The following KLHL29 variants were observed in gnomAD, a reference collection of about 807,000 sequenced individuals.
KLHL29 encodes the protein kelch-like protein 29.
KLHL29 carries 21 observed loss-of-function variants against 80.4 expected under a neutral mutation model. That is an observed-to-expected ratio of 0.26 (90% CI 0.19 to 0.38). The LOEUF is 0.38. Among genes scored for constraint, KLHL29 ranks in the 10% least tolerant of loss-of-function variants. KLHL29 has a pLI of 1.00. For synonymous variants in KLHL29, 511 were observed against 526.8 expected (o/e 0.97, Z 0.41); for missense variants, 867 against 1,223.9 (o/e 0.71, Z 4.35).
In KLHL29 at chr2:23,642,561, G is replaced by A; in HGVS notation, c.651G>A (p.Val217=). 6.5e-7 allele frequency: 1 copy of A among 1,548,828 alleles called. No homozygotes were observed. Among genetic ancestry groups the A allele is most frequent in the Non-Finnish European group, 8.7e-7 (1 of 1,145,558 alleles). The change falls in exon 5 of 14, where the codon GTG becomes GTA. Residue 217 remains valine, a synonymous_variant. Coordinates refer to ENST00000486442, the MANE Select transcript of KLHL29 (RefSeq NM_052920.2). ...CGCCCTCTCAGCCACTGAGCAGCGT[G>A]GTGGTCAACATGCCTGCCCAGGCCC... is the stretch of plus-strand genomic sequence containing the variant. ...PQPPSQPLSS[V]VVNMPAQALY...
At chr2:23,589,017 C>G (rs1314887735) in intron 3 of KLHL29, among the ~76,000 whole-genome samples, 1 of 152,270 alleles carries the variant, frequency 6.6e-6, no homozygotes, top group South Asian at 2.1e-4. Context: ...ATGTGTTTGT[C>G]TCCTGGTTAC....
intron 2 of KLHL29, among the ~76,000 whole-genome samples, chr2:23,548,537 A>G (rs956815836): frequency 5.9e-5 from 9 of 152,236 alleles, no homozygotes; most frequent in African/African-American, 2.2e-4. Flanking sequence ...CAGAAAGGAC[A>G]CATGCTTTCC....
intron 3 of KLHL29, among the ~76,000 whole-genome samples, chr2:23,587,775 C>T (rs1432656135): frequency 1.3e-5 from 2 of 152,230 alleles, no homozygotes; most frequent in Admixed American, 6.5e-5. Context: ...TATCCTAAAA[C>T]ATGCCTGCTA....
intron 2 of KLHL29, among the ~76,000 whole-genome samples, chr2:23,550,275 G>C (rs55986578): frequency 0.025 from 3,873 of 152,142 alleles, 176 homozygotes; most frequent in African/African-American, 0.088. Flanking sequence ...AGAGGGAAAG[G>C]GGGGCACGAA....
rs1669967214 is a variant in KLHL29 at position 23,647,370 on chromosome 2, TCTTCCCACAGA to T, written c.940+4522_940+4532del. ...CAGAATTTTATCCAGACTGAAACTG[TCTTCCCACAGA>T]CCTATTCTTCCTGTGTCTGTGCCTC... is the stretch of plus-strand genomic sequence containing the variant. On this transcript the variant is annotated intron_variant, in intron 5 of 13. Coordinates refer to ENST00000486442, the MANE Select transcript of KLHL29 (RefSeq NM_052920.2). This position sits in a 1 kb window ranked among gnomAD's most constrained non-coding sequence, Gnocchi z 4.9. Among the ~76,000 whole-genome samples the T allele has an allele frequency of 6.6e-6, 1 of 152,200 alleles. No homozygotes were observed. The highest frequency in any genetic ancestry group is 1.5e-5 in the Non-Finnish European group (1 of 68,034).
At chr2:23,404,809 C>T (rs1180868182) in intron 1 of KLHL29, among the ~76,000 whole-genome samples, 1 of 152,208 alleles carries the variant, frequency 6.6e-6, no homozygotes, top group African/African-American at 2.4e-5. Flanking sequence ...GACTGGGGAC[C>T]AAAGGAATCC....
At chr2:23,569,831 A>G (rs55793558) in intron 3 of KLHL29, among the ~76,000 whole-genome samples, 2,499 of 152,342 alleles carry the variant, frequency 0.016, 81 homozygotes, top group African/African-American at 0.058. Context: ...AATGTCCTCA[A>G]TGAAACCAGA....
intron 2 of KLHL29, among the ~76,000 whole-genome samples, chr2:23,512,909 G>T (rs768844279): frequency 5.3e-5 from 8 of 152,272 alleles, no homozygotes; most frequent in Admixed American, 2.0e-4. Flanking sequence ...TGTGCATGCT[G>T]TGGGGACTCA....
intron 2 of KLHL29, among the ~76,000 whole-genome samples, chr2:23,476,464 T>TA (rs1263052117): frequency 1.3e-5 from 2 of 152,138 alleles, no homozygotes; most frequent in Non-Finnish European, 2.9e-5. Flanking sequence ...CTTATGCACA[T>TA]ACGTAAACAG....
At chr2:23,444,690 C>A (rs1306629639) in intron 1 of KLHL29, among the ~76,000 whole-genome samples, 1 of 152,142 alleles carries the variant, frequency 6.6e-6, no homozygotes, top group African/African-American at 2.4e-5. Flanking sequence ...TACATATATT[C>A]ACATAAAATA....
At chr2:23,593,888 C>G (rs1034219102) in intron 3 of KLHL29, among the ~76,000 whole-genome samples, 1 of 152,184 alleles carries the variant, frequency 6.6e-6, no homozygotes, top group South Asian at 2.1e-4. Context: ...GCTTGTTGTC[C>G]ACAAGCTTTT....
chr2:23,605,528 C>T (rs543741583), intron 3 of KLHL29, among the ~76,000 whole-genome samples: 178 of 152,260 alleles, frequency 1.2e-3, no homozygotes, highest in Admixed American at 2.4e-3. Flanking sequence ...GGTGAGGGAC[C>T]GTAAGAAGCC....
chr2:23,642,538 C>T lies in KLHL29; in HGVS notation c.628C>T (p.Pro210Ser). 6.5e-7 allele frequency: 1 copy of T among 1,540,224 alleles called. No homozygotes were observed. The highest frequency in any genetic ancestry group is 8.8e-7 in the Non-Finnish European group (1 of 1,139,000). Reference sequence around the variant, plus strand: ...AGGCCACTACTCGCTCCCTCAGCCGCCCTCTCAGCCACTGAGCAGCGTGGT... The same window carrying T: ...AGGCCACTACTCGCTCCCTCAGCCGTCCTCTCAGCCACTGAGCAGCGTGGT... ...MPGHYSLPQP[P>S]SQPLSSVVVN... is the part of the protein sequence containing the mutation. Residue 210 changes from proline to serine, a missense_variant, in exon 5 of 14, where the codon CCC becomes TCC. Physicochemically the swap from Pro to Ser is moderately conservative, Grantham distance 74. Transcript: ENST00000486442.
At chr2:23,536,918 A>ACACACACACACTCTCTCT (rs143009876) in intron 2 of KLHL29, among the ~76,000 whole-genome samples, 61 of 140,732 alleles carry the variant, frequency 4.3e-4, no homozygotes, top group African/African-American at 1.5e-3. Context: ...ACACACACAC[A>ACACACACACACTCTCTCT]CTCTCTCTCT....
rs570665841 is a variant in KLHL29, at chr2:23,604,829, C to T, written c.286-34310C>T. Among the ~76,000 whole-genome samples the T allele has an allele frequency of 2.1e-4, 32 of 152,298 alleles. No homozygotes were observed. The South Asian group carries it at 4.1e-3, about 20-fold the overall frequency. Reference sequence around the variant, plus strand: ...CTCCTCCCTGCTCCTTGCTGCCTGTCGGCCTGAGGTCCCCATCCTGACCCA... The same window carrying T: ...CTCCTCCCTGCTCCTTGCTGCCTGTTGGCCTGAGGTCCCCATCCTGACCCA... On this transcript the variant is annotated intron_variant, in intron 3 of 13. Transcript: ENST00000486442.
intron 3 of KLHL29, among the ~76,000 whole-genome samples, chr2:23,577,009 G>A (rs942168671): frequency 1.3e-5 from 2 of 152,194 alleles, no homozygotes; most frequent in African/African-American, 4.8e-5. Flanking sequence ...CAGTCCTGCT[G>A]TCCTGTCCTG....
chr2:23,429,233 C>T (rs1175970635), intron 1 of KLHL29, among the ~76,000 whole-genome samples: 1 of 152,194 alleles, frequency 6.6e-6, no homozygotes, highest in African/African-American at 2.4e-5. Context: ...GATCTGTTCT[C>T]TCCATGTGAG....
intron 1 of KLHL29, among the ~76,000 whole-genome samples, chr2:23,444,381 A>G (rs1663616742): frequency 6.6e-6 from 1 of 152,014 alleles, no homozygotes; most frequent in Admixed American, 6.5e-5. Flanking sequence ...CTGGAGTGCA[A>G]TGGCAAAATC....
intron 2 of KLHL29, among the ~76,000 whole-genome samples, chr2:23,534,555 G>A (rs1423525125): frequency 6.6e-6 from 1 of 151,370 alleles, no homozygotes; most frequent in African/African-American, 2.4e-5. Context: ...CAGCATCACA[G>A]ATGCTAACTT....
Sources: gnomAD v4.1 joint callset for allele counts (sites outside exome capture counted in the v4.1 genomes callset) on GRCh38, gnomAD v4.1.1 for gene constraint, Gnocchi (gnomAD v3.1) non-coding constraint, MANE v1.5 for transcripts, NCBI Gene and HGNC (gene_info 2026-07-23, HGNC 2026-07-21) for gene names.